The following PCM1 variants were observed in gnomAD, a reference collection of about 807,000 sequenced individuals.
PCM1 encodes pericentriolar material 1, also known as pericentriolar material 1 protein.
Under a neutral mutation model 241.9 loss-of-function variants are expected in PCM1, and 157 were observed. The ratio of observed to expected loss-of-function variants is 0.65; its 90% CI spans 0.57 to 0.74. PCM1 has a LOEUF of 0.74. Ranked by LOEUF, PCM1 falls within the 30% of genes least tolerant of loss-of-function variation. The pLI is 0.00. For missense variants in PCM1, 3,478 were observed against 2,360.1 expected (o/e 1.47, Z -9.81); for synonymous variants, 1,085 against 784.9 (o/e 1.38, Z -6.39).
rs559368762 is a variant in PCM1, at chr8:18,020,057, G to C, written c.5841+5217G>C. On this transcript the variant is annotated intron_variant, in intron 36 of 38. Transcript: ENST00000325083. ...AGAAAAATCTCTGTCCCAGAGCTTT[G>C]CCATGGGAAGATAATTAGGAACAAG... Among the ~76,000 whole-genome samples, 8 of 152,248 alleles carry C rather than the reference G, an allele frequency of 5.3e-5. No homozygotes were observed. In the South Asian group the frequency reaches 1.5e-3, roughly 28 times the overall value.
rs752036515 is a variant in PCM1, at chr8:17,991,606, T to G, written c.4596T>G (p.Thr1532=). The G allele has an allele frequency of 2.5e-6, 4 of 1,592,072 alleles. No homozygotes were observed. In the African/African-American group the frequency reaches 5.4e-5, roughly 21 times the overall value. Residue 1532 remains threonine (T), a synonymous_variant, in exon 28 of 39, where the codon ACT becomes ACG. Transcript: ENST00000325083. The stretch of plus-strand genomic sequence containing the variant: ...TGAGAGAATATGAGCGTATGAAGAC[T>G]GAGGCTGAAAGTAACTCAAATATGA... ...ARMREYERMK[T]EAESNSNMRC... is the part of the protein sequence containing the mutation.
At chr8:17,982,708 A>ATG (rs1564150012) in intron 24 of PCM1, 1 of 152,228 alleles carries the variant, frequency 6.6e-6, no homozygotes, top group Non-Finnish European at 1.5e-5. Flanking sequence ...GTTAGCCAGG[A>ATG]TGGTCTCAAT....
chr8:18,005,363 T>G (rs575048455), intron 29 of PCM1, among the ~76,000 whole-genome samples: 85 of 151,426 alleles, frequency 5.6e-4, no homozygotes, highest in African/African-American at 2.0e-3. Flanking sequence ...TGTTGTTTTT[T>G]TTTTTTTTTA....
chr8:17,932,147 C>T (rs1479397154), intron 2 of PCM1, among the ~76,000 whole-genome samples: 5 of 152,034 alleles, frequency 3.3e-5, no homozygotes, highest in African/African-American at 1.2e-4. Flanking sequence ...AGTATTCTAC[C>T]CAGCAAGTGT....
chr8:17,993,449 T>G (rs751554738), intron 28 of PCM1, 34 bp from the exon 29 acceptor site: 1 of 1,477,110 alleles, frequency 6.8e-7, no homozygotes, highest in East Asian at 2.5e-5. Flanking sequence ...TAATAGGCTT[T>G]GTTAGGCTAA....
rs1298559791 is a variant in PCM1 at position 17,968,728 on chromosome 8, A to ATGTGTGTGTG, written c.3413-848_3413-847insGTGTGTGTGT. 7.2e-5 allele frequency among the ~76,000 whole-genome samples: 7 copies of ATGTGTGTGTG among 97,108 alleles called. No homozygotes were observed. The South Asian group carries it at 1.2e-3, about 16-fold the overall frequency. 63.7% of individuals were successfully genotyped at this position (97,108 alleles called of 152,430 possible). On this transcript the variant is annotated intron_variant, in intron 21 of 38. Coordinates refer to ENST00000325083, the MANE Select transcript of PCM1 (RefSeq NM_006197.4). ...GCAATGTGTATATATATGGATGTAT[A>ATGTGTGTGTG]TATGTGTGTGTGTGTGTGTGTGTGT... is the stretch of plus-strand genomic sequence containing the variant.
At chr8:18,015,657 T>C (rs1256525453) in intron 36 of PCM1, 1 of 152,108 alleles carries the variant, frequency 6.6e-6, no homozygotes, top group African/African-American at 2.4e-5. Flanking sequence ...ACTTCCTGAA[T>C]TGCTTCTTAC....
At chr8:18,023,373 T>G (rs562570678) in intron 36 of PCM1, among the ~76,000 whole-genome samples, 3 of 152,300 alleles carry the variant, frequency 2.0e-5, no homozygotes, top group Non-Finnish European at 2.9e-5. Context: ...TAAGATCGCT[T>G]TTTCTTTAGC....
intron 26 of PCM1, among the ~76,000 whole-genome samples, chr8:17,988,630 G>A (rs908851864): frequency 1.3e-5 from 2 of 151,828 alleles, no homozygotes; most frequent in African/African-American, 4.8e-5. Flanking sequence ...TCTGACAACT[G>A]TCTGATATAT....
chr8:17,935,540 G>A, intron 2 of PCM1, 49 bp from the exon 3 acceptor site: 1 of 669,606 alleles, frequency 1.5e-6, no homozygotes. Flanking sequence ...TTTGAAAATT[G>A]AATTTGTTTT....
intron 24 of PCM1, among the ~76,000 whole-genome samples, 191 bp downstream of exon 24, chr8:17,980,946 TAATA>T (rs1383360967): frequency 6.6e-6 from 1 of 152,220 alleles, no homozygotes; most frequent in Non-Finnish European, 1.5e-5. Flanking sequence ...TTATACTATT[TAATA>T]GTTTTGGACA....
Position 18,028,758 on chromosome 8 carries a change from C to G in PCM1, c.*1096C>G. 5.2e-6 allele frequency: 1 copy of G among 193,474 alleles called. No individual in the cohort carries two copies. Among genetic ancestry groups the G allele is most frequent in the Non-Finnish European group, 1.1e-5 (1 of 92,662 alleles). 12.0% of individuals were successfully genotyped at this position (193,474 alleles called of 1,614,324 possible). A position where few individuals can be genotyped will look rare whatever the true frequency, so the allele number is the denominator to read the frequency against. ...GTCAATCTTATAGATTCTTCTTCCTCGAATAAAATACAAAGAATTAGTTCC... is the reference window on the plus strand; with the variant it reads ...GTCAATCTTATAGATTCTTCTTCCTGGAATAAAATACAAAGAATTAGTTCC... On this transcript the variant is annotated 3_prime_UTR_variant, in exon 39 of 39. Transcript: ENST00000325083.
intron 2 of PCM1, among the ~76,000 whole-genome samples, chr8:17,929,349 C>T (rs531187280): frequency 6.6e-6 from 1 of 152,214 alleles, no homozygotes; most frequent in African/African-American, 2.4e-5. Context: ...TATTTAATAC[C>T]AGTGTATTTA....
intron 31 of PCM1, among the ~76,000 whole-genome samples, chr8:18,010,282 C>A (rs2092289039): frequency 6.6e-6 from 1 of 152,114 alleles, no homozygotes; most frequent in Non-Finnish European, 1.5e-5. Flanking sequence ...AGATGTGTAC[C>A]CTTTTCCTGA....
chr8:18,011,146 G>T lies in PCM1; in HGVS notation c.5221-91G>T, dbSNP rs552950076. ...AAATGGTTCTTTGTATTTTTTATTA[G>T]ATAATGATCATTATTAATACGATAG... On this transcript the variant is annotated intron_variant, in intron 32 of 38. Transcript: ENST00000325083. The T allele has an allele frequency of 8.5e-5, 68 of 799,728 alleles. 1 individual carries two copies. Among genetic ancestry groups the T allele is most frequent in the Non-Finnish European group, 1.2e-4 (66 of 560,594 alleles). 49.5% of individuals were successfully genotyped at this position (799,728 alleles called of 1,614,324 possible). A position where few individuals can be genotyped will look rare whatever the true frequency, so the allele number is the denominator to read the frequency against.
intron 1 of PCM1, among the ~76,000 whole-genome samples, chr8:17,923,819 T>C (rs958152431): frequency 6.6e-6 from 1 of 151,950 alleles, no homozygotes; most frequent in Non-Finnish European, 1.5e-5. Context: ...TTCCTACCTA[T>C]CTAGTTAGAA....
intron 29 of PCM1, among the ~76,000 whole-genome samples, chr8:17,997,012 A>G (rs1003775575): frequency 1.3e-5 from 2 of 152,196 alleles, no homozygotes. Context: ...CCTTCAGACG[A>G]TATCTTACTG....
rs1277912938 is a variant in PCM1, at chr8:17,939,380, CATT to C, written c.613-309_613-307del. 1.3e-3 allele frequency among the ~76,000 whole-genome samples: 49 copies of C among 36,792 alleles called. 1 individual carries two copies. Among genetic ancestry groups the C allele is most frequent in the Admixed American group, 9.1e-3 (49 of 5,404 alleles). 24.1% of individuals were successfully genotyped at this position (36,792 alleles called of 152,430 possible). A position where few individuals can be genotyped will look rare whatever the true frequency, so the allele number is the denominator to read the frequency against. On this transcript the variant is annotated intron_variant, in intron 5 of 38. Coordinates refer to ENST00000325083, the MANE Select transcript of PCM1 (RefSeq NM_006197.4). ...ATAATACATTTAATTAATTTATAAA[CATT>C]AGGAAAATTTATATAAAAAATTGTA...
rs550672840 is a variant in PCM1, at chr8:17,948,294, CTTTTTTTTTTT to C, written c.961+948_961+958del. 2.3e-3 allele frequency among the ~76,000 whole-genome samples: 145 copies of C among 64,020 alleles called. 2 individuals are homozygous for C. Among genetic ancestry groups the C allele is most frequent in the East Asian group, 2.5e-3 (6 of 2,368 alleles). The allele number at this position is 64,020 out of a possible 152,430, so 42.0% of individuals were successfully genotyped here. On this transcript the variant is annotated intron_variant, in intron 7 of 38. Coordinates refer to ENST00000325083, the MANE Select transcript of PCM1 (RefSeq NM_006197.4). ...GAACGTTATGACTTTCAAATAACCT[CTTTTTTTTTTT>C]TTTTTTTTTTTTTTTTGGAGACAGA...
Sources: allele counts gnomAD v4.1 joint callset (sites outside exome capture counted in the v4.1 genomes callset), GRCh38; gene constraint gnomAD v4.1.1; transcripts MANE v1.5; gene names NCBI Gene and HGNC (gene_info 2026-07-23, HGNC 2026-07-21).